CDH12: variants seen among roughly 807,000 people sequenced by gnomAD.
CDH12 encodes cadherin 12.
A neutral mutation model predicts 74.1 loss-of-function variants in CDH12; 41 were observed. The observed-to-expected ratio is 0.55, with a 90% CI of 0.43 to 0.72. CDH12 has a LOEUF of 0.72. Among genes scored for constraint, CDH12 ranks in the 30% least tolerant of loss-of-function variants. The pLI is 0.00. For missense variants in CDH12, 945 were observed against 977.2 expected (o/e 0.97, Z 0.44); for synonymous variants, 399 against 355.0 (o/e 1.12, Z -1.39).
chr5:22,053,063 G>GTT (rs535507772), intron 5 of CDH12, among the ~76,000 whole-genome samples: 5 of 148,038 alleles, frequency 3.4e-5, no homozygotes, highest in Admixed American at 1.3e-4. Flanking sequence ...AGGGTCTCTC[G>GTT]TTTTTTTTGT....
intron 4 of CDH12, among the ~76,000 whole-genome samples, chr5:22,114,993 G>C (rs2150265388): frequency 6.6e-6 from 1 of 152,294 alleles, no homozygotes; most frequent in East Asian, 1.9e-4. Flanking sequence ...GAACAATCTT[G>C]AGGCCAACAA....
intron 1 of CDH12, among the ~76,000 whole-genome samples, chr5:22,644,223 C>T (rs540217156): frequency 7.2e-5 from 11 of 152,020 alleles, no homozygotes; most frequent in African/African-American, 1.2e-4. Context: ...GAAGGCTTGC[C>T]GAAAGCTGAG....
At chr5:22,305,633 C>T (rs190864278) in intron 3 of CDH12, among the ~76,000 whole-genome samples, 3 of 152,072 alleles carry the variant, frequency 2.0e-5, no homozygotes, top group Non-Finnish European at 4.4e-5. Flanking sequence ...AGGGCATAAC[C>T]TTGGGAGACC....
intron 4 of CDH12, among the ~76,000 whole-genome samples, chr5:22,167,031 T>A (rs1036055230): frequency 6.6e-6 from 1 of 152,294 alleles, no homozygotes; most frequent in African/African-American, 2.4e-5. Flanking sequence ...AAAATAAGTG[T>A]TTTCCAACTG....
chr5:22,434,985 G>A (rs974695096), intron 2 of CDH12, among the ~76,000 whole-genome samples: 6 of 152,076 alleles, frequency 3.9e-5, no homozygotes, highest in African/African-American at 1.2e-4. Flanking sequence ...CTGGGTGTAG[G>A]CTGAACTAAC....
chr5:21,830,466 A>G (rs1296522935), intron 8 of CDH12, among the ~76,000 whole-genome samples: 1 of 152,150 alleles, frequency 6.6e-6, no homozygotes, highest in Non-Finnish European at 1.5e-5. Flanking sequence ...TGGCTATATA[A>G]TTTATAAGCC....
chr5:22,184,275 G>A (rs531372040), intron 4 of CDH12, among the ~76,000 whole-genome samples: 8 of 152,164 alleles, frequency 5.3e-5, no homozygotes, highest in Non-Finnish European at 8.8e-5. Context: ...TAGATTGGAA[G>A]TAGTGAGATG....
chr5:22,367,084 G>C (rs560993771), intron 3 of CDH12, among the ~76,000 whole-genome samples: 246 of 152,116 alleles, frequency 1.6e-3, no homozygotes, highest in African/African-American at 5.7e-3. Context: ...TAATCGAAGG[G>C]GAATGATTAA....
chr5:22,289,953 G>A (rs1055757869), intron 3 of CDH12, among the ~76,000 whole-genome samples: 5 of 152,096 alleles, frequency 3.3e-5, no homozygotes, highest in South Asian at 2.1e-4. Flanking sequence ...TGTTAGGCCA[G>A]CTTCAGGGAA....
intron 4 of CDH12, among the ~76,000 whole-genome samples, chr5:22,197,538 T>G (rs1750692987): frequency 6.6e-6 from 1 of 152,176 alleles, no homozygotes; most frequent in African/African-American, 2.4e-5. Context: ...TGAGATGCTT[T>G]TAAAGAGAAG....
chr5:22,384,463 T>C (rs1428900906), intron 3 of CDH12, among the ~76,000 whole-genome samples: 4 of 135,730 alleles, frequency 2.9e-5, no homozygotes, highest in Admixed American at 8.8e-5. Flanking sequence ...GAGGCGGAGC[T>C]TGCAGTGAGC....
At chr5:22,014,369 T>C (rs1206441362) in intron 5 of CDH12, among the ~76,000 whole-genome samples, 1 of 152,204 alleles carries the variant, frequency 6.6e-6, no homozygotes, top group Non-Finnish European at 1.5e-5. Context: ...ACATGTTCAC[T>C]GACATATATG....
intron 14 of CDH12, among the ~76,000 whole-genome samples, chr5:21,755,363 G>A (rs1461536742): frequency 1.3e-5 from 2 of 151,970 alleles, no homozygotes; most frequent in African/African-American, 2.4e-5. Flanking sequence ...ATTTTATGAT[G>A]TTATTTATTT....
chr5:21,875,734 C>T (rs1751900682), intron 6 of CDH12, among the ~76,000 whole-genome samples: 1 of 152,088 alleles, frequency 6.6e-6, no homozygotes, highest in South Asian at 2.1e-4. Context: ...CAGCAATTTA[C>T]CTTAATTGAA....
intron 3 of CDH12, among the ~76,000 whole-genome samples, chr5:22,251,931 A>G (rs893320698): frequency 7.9e-5 from 12 of 152,160 alleles, no homozygotes; most frequent in African/African-American, 2.9e-4. Context: ...AATGGTGAAC[A>G]CATGGGTATT....
intron 5 of CDH12, among the ~76,000 whole-genome samples, chr5:22,044,995 C>T (rs1413132802): frequency 1.3e-5 from 2 of 152,058 alleles, no homozygotes; most frequent in African/African-American, 4.8e-5. Context: ...GAATAGACAA[C>T]TTATAGAATG....
Position 22,757,022 on chromosome 5 carries a change from C to T in CDH12, c.-523+96036G>A, listed in dbSNP as rs185536736. Among the ~76,000 whole-genome samples, 10 of 152,070 alleles carry T rather than the reference C, an allele frequency of 6.6e-5. No homozygotes were observed. The East Asian group carries it at 1.5e-3, about 24-fold the overall frequency. On this transcript the variant is annotated intron_variant, in intron 1 of 14. Transcript: ENST00000382254. The stretch of plus-strand genomic sequence containing the variant: ...ATTCCTTATTCATGCTAGCTGTTTT[C>T]TAATATCTACCCTCTACTTCCTCAA...
chr5:22,151,081 C>A (rs892291441), intron 4 of CDH12, among the ~76,000 whole-genome samples: 17 of 152,156 alleles, frequency 1.1e-4, no homozygotes, highest in African/African-American at 4.1e-4. Context: ...CAGTGCCTTA[C>A]ATTAATTAAT....
intron 4 of CDH12, among the ~76,000 whole-genome samples, chr5:22,165,660 G>C (rs4309938): frequency 6.6e-6 from 1 of 152,122 alleles, no homozygotes; most frequent in African/African-American, 2.4e-5. Flanking sequence ...CAAGACCTAC[G>C]GGGCTGCATC....
Sources: gnomAD v4.1 joint callset for allele counts (sites outside exome capture counted in the v4.1 genomes callset) on GRCh38, gnomAD v4.1.1 for gene constraint, MANE v1.5 for transcripts, NCBI Gene and HGNC (gene_info 2026-07-23, HGNC 2026-07-21) for gene names.